Variants in MIEF2 observed in about 807,000 individuals in gnomAD.
The protein encoded by MIEF2 is mitochondrial elongation factor 2.
Under a neutral mutation model 7.4 loss-of-function variants are expected in MIEF2, and 1 was observed. The ratio of observed to expected loss-of-function variants is 0.14; its 90% CI spans 0.05 to 0.64. The LOEUF is 0.64. Among genes scored for constraint, MIEF2 ranks in the 30% least tolerant of loss-of-function variants. The pLI is 0.85. For synonymous variants in MIEF2, 275 were observed against 290.5 expected, an observed-to-expected ratio of 0.95 and a Z score of 0.54; for missense variants, 569 against 623.9, an observed-to-expected ratio of 0.91 and a Z score of 0.94.
At chr17:18,263,640 A>G in intron 3 of MIEF2, 70 bp from the exon 4 acceptor site, 3 of 1,468,448 alleles carry the variant, frequency 2.0e-6, no homozygotes, top group Non-Finnish European at 2.7e-6. Context: ...TCACACAGCT[A>G]GTTCTCGGTG....
Position 18,262,767 on chromosome 17 carries a change from G to A in MIEF2, c.47G>A (p.Gly16Glu). 1.2e-6 allele frequency: 2 copies of A among 1,607,230 alleles called. No individual in the cohort carries two copies. The highest frequency in any genetic ancestry group is 1.7e-6 in the Non-Finnish European group (2 of 1,176,480). ...CGGGGGAAGCGGCGTAGCGACGAAG[G>A]GCTGGGCAGCATGGTGGACTTCCTC... ...QKRGKRRSDE[G>E]LGSMVDFLLA... The change falls in exon 2 of 4, where the codon GGG becomes GAG. Residue 16 changes from glycine (G) to glutamate (E), a missense_variant. Gly to Glu is a moderately conservative substitution (Grantham distance 98, BLOSUM62 -2). Coordinates refer to ENST00000323019, the MANE Select transcript of MIEF2 (RefSeq NM_139162.4).
rs1481741157 is a variant in MIEF2, at chr17:18,260,696, C to T, written c.-49C>T. The T allele has an allele frequency of 2.5e-5, 5 of 201,938 alleles. No homozygotes were observed. The highest frequency in any genetic ancestry group is 5.1e-5 in the Non-Finnish European group (5 of 98,182). The allele number at this position is 201,938 out of a possible 1,614,324, so 12.5% of individuals were successfully genotyped here. ...CTGGTCTGAGCTCCGGGGCCGTGGT[C>T]CCGCTGCCTCCTCCGGTCGTCGTGC... is the stretch of plus-strand genomic sequence containing the variant. On this transcript the variant is annotated 5_prime_UTR_variant, in exon 1 of 4. Transcript: ENST00000323019.
chr17:18,264,779 G>T lies in MIEF2; in HGVS notation c.*15G>T. ...GGCTGCTCTAGGTGGGTGGAAACGG[G>T]TGGTTGCCATGTTTTCTAATGCTGG... is the stretch of plus-strand genomic sequence containing the variant. On this transcript the variant is annotated 3_prime_UTR_variant, in exon 4 of 4. Transcript: ENST00000323019. The T allele has an allele frequency of 6.3e-7, 1 of 1,586,622 alleles. No individual in the cohort carries two copies. Among genetic ancestry groups the T allele is most frequent in the South Asian group, 1.1e-5 (1 of 89,802 alleles).
intron 2 of MIEF2, 101 bp from the exon 3 acceptor site, chr17:18,262,985 G>C (rs1176212594): frequency 1.3e-6 from 2 of 1,550,578 alleles, no homozygotes; most frequent in African/African-American, 1.4e-5. Flanking sequence ...GGGAGCCCAG[G>C]GCACCTGCTT....
chr17:18,263,104 A>C lies in MIEF2; in HGVS notation c.166A>C (p.Ser56Arg), dbSNP rs759080457. 1.2e-6 allele frequency: 2 copies of C among 1,613,366 alleles called. No homozygotes were observed. Among genetic ancestry groups the C allele is most frequent in the Non-Finnish European group, 1.7e-6 (2 of 1,179,900 alleles). The change falls in exon 3 of 4, where the codon AGC becomes CGC. Residue 56 changes from serine to arginine, a missense_variant. By Grantham distance (110) the Ser-to-Arg change is moderately radical. Coordinates refer to ENST00000323019, the MANE Select transcript of MIEF2 (RefSeq NM_139162.4). ...CTTGCAGTTCATTGACAGGGCCACT[A>C]GCCCGCGGGATGAGGATGACACCAA... ...AVKRFIDRAT[S>R]PRDEDDTKAD...
At chr17:18,262,074 G>A (rs1401700758) in intron 1 of MIEF2, among the ~76,000 whole-genome samples, 1 of 152,208 alleles carries the variant, frequency 6.6e-6, no homozygotes, top group Non-Finnish European at 1.5e-5. Context: ...GGTCTTCTCT[G>A]GACTTTGGGC....
In MIEF2 at chr17:18,265,817, C is replaced by T. The variant is rs530838784; in HGVS notation, c.*1053C>T. On this transcript the variant is annotated 3_prime_UTR_variant, in exon 4 of 4. Transcript: ENST00000323019. Reference sequence around the variant, plus strand: ...ATAAGGGAGTCTTGGTGCTTTCATACGCAGCTGTTGAGGGTTTTCTGTAAG... The same window carrying T: ...ATAAGGGAGTCTTGGTGCTTTCATATGCAGCTGTTGAGGGTTTTCTGTAAG... The T allele has an allele frequency of 7.9e-5, 12 of 152,564 alleles. No individual in the cohort carries two copies. The highest frequency in any genetic ancestry group is 2.4e-4 in the African/African-American group (10 of 41,568). The allele number at this position is 152,564 out of a possible 1,614,324, so 9.5% of individuals were successfully genotyped here.
chr17:18,261,309 GC>G (rs1243840885), intron 1 of MIEF2: 2 of 925,318 alleles, frequency 2.2e-6, no homozygotes. Context: ...GCCTGGGATC[GC>G]CCCAGAGACC....
rs1270251606 is a variant in MIEF2 at position 18,266,209 on chromosome 17, A to C, written c.*1445A>C. 1 of 151,746 alleles carries C rather than the reference A, an allele frequency of 6.6e-6. No homozygotes were observed. 9.4% of individuals were successfully genotyped at this position (151,746 alleles called of 1,614,324 possible). ...GACAGAGCAAGACTCTGTCTCAAAA[A>C]AATAAATAAATAAGCATCTTGGCCC... On this transcript the variant is annotated 3_prime_UTR_variant, in exon 4 of 4. Transcript: ENST00000323019.
At position 18,264,984 on chromosome 17, in the gene MIEF2, C is replaced by T; in HGVS notation, c.*220C>T. The T allele has an allele frequency of 1.3e-6, 1 of 759,806 alleles. No individual in the cohort carries two copies. Among genetic ancestry groups the T allele is most frequent in the Non-Finnish European group, 1.9e-6 (1 of 513,268 alleles). The allele number at this position is 759,806 out of a possible 1,614,324, so 47.1% of individuals were successfully genotyped here. On this transcript the variant is annotated 3_prime_UTR_variant, in exon 4 of 4. Transcript: ENST00000323019. ...TGTCACCTGAGTGCAGCTGGGCTGC[C>T]TCAGGCAGCTTGGAGTGCCAGCCAT...
rs1226824040 is a variant in MIEF2, at chr17:18,260,712, G to T, written c.-33G>T. On this transcript the variant is annotated 5_prime_UTR_variant, in exon 1 of 4. Coordinates refer to ENST00000323019, the MANE Select transcript of MIEF2 (RefSeq NM_139162.4). ...GGCCGTGGTCCCGCTGCCTCCTCCGGTCGTCGTGCGGAAGCTGCGACGCAG... is the reference window on the plus strand; with the variant it reads ...GGCCGTGGTCCCGCTGCCTCCTCCGTTCGTCGTGCGGAAGCTGCGACGCAG... 2 of 204,944 alleles carry T rather than the reference G, an allele frequency of 9.8e-6. No individual in the cohort carries two copies. The highest frequency in any genetic ancestry group is 2.0e-5 in the Non-Finnish European group (2 of 100,388). The allele number at this position is 204,944 out of a possible 1,614,324, so 12.7% of individuals were successfully genotyped here.
At position 18,260,690 on chromosome 17, in the gene MIEF2, C is replaced by A. The variant is rs570407941; in HGVS notation, c.-55C>A. ...CCCAGGCTGGTCTGAGCTCCGGGGC[C>A]GTGGTCCCGCTGCCTCCTCCGGTCG... On this transcript the variant is annotated 5_prime_UTR_variant, in exon 1 of 4. Coordinates refer to ENST00000323019, the MANE Select transcript of MIEF2 (RefSeq NM_139162.4). The A allele has an allele frequency of 5.5e-4, 111 of 203,550 alleles. No homozygotes were observed. The highest frequency in any genetic ancestry group is 2.1e-3 in the Middle Eastern group (1 of 478). The allele number at this position is 203,550 out of a possible 1,614,324, so 12.6% of individuals were successfully genotyped here. A position where few individuals can be genotyped will look rare whatever the true frequency, so the allele number is the denominator to read the frequency against.
chr17:18,264,844 G>T lies in MIEF2; in HGVS notation c.*80G>T, dbSNP rs73980864. 4.4e-4 allele frequency: 658 copies of T among 1,511,170 alleles called. 3 individuals carry two copies. In the African/African-American group the frequency reaches 7.6e-3, roughly 17 times the overall value. The allele number at this position is 1,511,170 out of a possible 1,614,324, so 93.6% of individuals were successfully genotyped here. A position where few individuals can be genotyped will look rare whatever the true frequency, so the allele number is the denominator to read the frequency against. ...CTCCCTTCCAGGGATTTGAATAGTG[G>T]TTTTTCTCTAGCTTTTTGCCAGAAC... On this transcript the variant is annotated 3_prime_UTR_variant, in exon 4 of 4. Coordinates refer to ENST00000323019, the MANE Select transcript of MIEF2 (RefSeq NM_139162.4).
At chr17:18,262,644 C>G (rs1028392546) in intron 1 of MIEF2, 70 bp from the exon 2 acceptor site, 16 of 1,420,604 alleles carry the variant, frequency 1.1e-5, no homozygotes, top group Non-Finnish European at 1.5e-5. Context: ...GAGCACCTGT[C>G]CACAGCAGCC....
rs367578636 is a variant in MIEF2, at chr17:18,263,951, C to A, written c.552C>A (p.Asp184Glu). 6 of 1,589,196 alleles carry A rather than the reference C, an allele frequency of 3.8e-6. No individual in the cohort carries two copies. The highest frequency in any genetic ancestry group is 4.3e-6 in the Non-Finnish European group (5 of 1,171,118). Residue 184 changes from aspartate to glutamate, a missense_variant, in exon 4 of 4, where the codon GAC (aspartate) becomes GAA (glutamate). Transcript: ENST00000323019. ...TCGTGCCTGGGGGGCCGCTCTACGA[C>A]GGGCTGCAGGCGGGGGCTGCGGACC... is the stretch of plus-strand genomic sequence containing the variant. ...GAFVPGGPLY[D>E]GLQAGAADHV...
intron 1 of MIEF2, 132 bp downstream of exon 1, chr17:18,260,869 A>T: frequency 1.9e-6 from 1 of 534,858 alleles, no homozygotes; most frequent in Non-Finnish European, 3.3e-6. Context: ...TTGGGGGACC[A>T]AGGGCAGCGT....
In MIEF2 at chr17:18,263,939, G is replaced by A. The variant is rs756332587; in HGVS notation, c.540G>A (p.Gly180=). ...CCTTTGGGGCATTCGTGCCTGGGGGGCCGCTCTACGACGGGCTGCAGGCGG... is the reference window on the plus strand; with the variant it reads ...CCTTTGGGGCATTCGTGCCTGGGGGACCGCTCTACGACGGGCTGCAGGCGG... ...ELPFGAFVPG[G]PLYDGLQAGA... is the part of the protein sequence containing the mutation. Residue 180 remains glycine (G), a synonymous_variant, in exon 4 of 4, where the codon GGG becomes GGA. Coordinates refer to ENST00000323019, the MANE Select transcript of MIEF2 (RefSeq NM_139162.4). 2 of 1,593,886 alleles carry A rather than the reference G, an allele frequency of 1.3e-6. No individual in the cohort carries two copies. Among genetic ancestry groups the A allele is most frequent in the South Asian group, 1.1e-5 (1 of 90,522 alleles).
At chr17:18,261,999 C>T (rs974320321) in intron 1 of MIEF2, among the ~76,000 whole-genome samples, 1 of 152,222 alleles carries the variant, frequency 6.6e-6, no homozygotes, top group Non-Finnish European at 1.5e-5. Context: ...CTTGGGCTAC[C>T]CTGTCAAGAT....
At position 18,263,914 on chromosome 17, in the gene MIEF2, C is replaced by T. The variant is rs1439201915; in HGVS notation, c.515C>T (p.Pro172Leu). Residue 172 changes from proline to leucine, a missense_variant, in exon 4 of 4, where the codon CCC becomes CTC. Transcript: ENST00000323019. The part of the protein sequence containing the change: ...AYFRSKFPEL[P>L]FGAFVPGGPL... ...TTTCGGAGCAAGTTCCCGGAACTGC[C>T]CTTTGGGGCATTCGTGCCTGGGGGG... The T allele has an allele frequency of 1.9e-6, 3 of 1,599,846 alleles. No homozygotes were observed. The African/African-American group carries it at 4.0e-5, about 21-fold the overall frequency.
Sources: allele counts gnomAD v4.1 joint callset (sites outside exome capture counted in the v4.1 genomes callset), GRCh38; gene constraint gnomAD v4.1.1; transcripts MANE v1.5; gene names NCBI Gene and HGNC (gene_info 2026-07-23, HGNC 2026-07-21).